Variants in SCRN3 observed in about 807,000 individuals in gnomAD.
SCRN3 encodes the protein secernin 3.
In SCRN3, 39 loss-of-function variants were observed where a neutral mutation model predicts 43.1. That is an observed-to-expected ratio of 0.91 (90% CI 0.70 to 1.18). SCRN3 has a LOEUF of 1.18. Among genes scored for constraint, SCRN3 ranks in the 50% most tolerant of loss-of-function variants. The pLI is 0.00. For synonymous variants in SCRN3, 147 were observed against 163.1 expected (o/e 0.90, Z 0.75); for missense variants, 484 against 498.0 (o/e 0.97, Z 0.27).
chr2:174,395,871 G>T (rs984038997), intron 1 of SCRN3, 54 bp downstream of exon 1: 17 of 1,451,836 alleles, frequency 1.2e-5, no homozygotes, highest in Non-Finnish European at 8.2e-6. Context: ...AAACCCGGAA[G>T]ACCCAACTGT....
chr2:174,400,236 T>A, intron 3 of SCRN3, 133 bp downstream of exon 3: 1 of 596,172 alleles, frequency 1.7e-6, no homozygotes, highest in Non-Finnish European at 2.8e-6. Flanking sequence ...TGGTTTAAAG[T>A]ACCGGCATGC....
chr2:174,397,248 G>A (rs1333514912), intron 1 of SCRN3: 1 of 978,756 alleles, frequency 1.0e-6, no homozygotes, highest in Non-Finnish European at 1.2e-6. Context: ...TAAGTTGCTA[G>A]CATCTGCCTG....
At chr2:174,403,927 T>G (rs1468317454) in intron 4 of SCRN3, among the ~76,000 whole-genome samples, 176 bp from the exon 5 acceptor site, 4 of 152,186 alleles carry the variant, frequency 2.6e-5, no homozygotes, top group Non-Finnish European at 5.9e-5. Flanking sequence ...TTAAAATCAG[T>G]TTAATTTTAA....
At chr2:174,426,196 T>C (rs1686475379) in intron 7 of SCRN3, among the ~76,000 whole-genome samples, 1 of 152,210 alleles carries the variant, frequency 6.6e-6, no homozygotes, top group African/African-American at 2.4e-5. Flanking sequence ...CTCACCTCAA[T>C]ATAAATATAA....
intron 2 of SCRN3, 94 bp from the exon 3 acceptor site, chr2:174,399,828 T>G (rs1439430691): frequency 1.1e-6 from 1 of 904,846 alleles, no homozygotes. Flanking sequence ...TCATAACAGT[T>G]TTGTCTTCTG....
At chr2:174,403,121 G>C (rs1037234900) in intron 4 of SCRN3, among the ~76,000 whole-genome samples, 1 of 150,548 alleles carries the variant, frequency 6.6e-6, no homozygotes, top group Non-Finnish European at 1.5e-5. Flanking sequence ...ATAGGCAAAA[G>C]ATATGAAGAG....
chr2:174,398,296 TCC>T lies in SCRN3; in HGVS notation c.14_15del (p.Ser5LeufsTer2). On this transcript the variant is annotated frameshift_variant, in exon 2 of 8. Transcript: ENST00000272732. LOFTEE classifies it high-confidence loss of function. MEPF[S>X]CDTFVALPPA... is the part of the protein sequence containing the mutation. ...TTAGTTAAAAAAAATGGAACCTTTT[TCC>T]TGTGACACTTTCGTGGCATTACCTC... The T allele has an allele frequency of 1.3e-6, 2 of 1,576,598 alleles. No individual in the cohort carries two copies. Among genetic ancestry groups the T allele is most frequent in the Admixed American group, 2.0e-5 (1 of 49,258 alleles).
At chr2:174,419,447 A>C (rs1166258949) in intron 5 of SCRN3, among the ~76,000 whole-genome samples, 1 of 152,172 alleles carries the variant, frequency 6.6e-6, no homozygotes, top group Non-Finnish European at 1.5e-5. Context: ...TGGCACGATC[A>C]TAGTTTACTG....
intron 6 of SCRN3, among the ~76,000 whole-genome samples, 168 bp downstream of exon 6, chr2:174,423,215 G>A (rs1242938709): frequency 2.0e-5 from 3 of 152,144 alleles, no homozygotes; most frequent in Non-Finnish European, 4.4e-5. Context: ...ATGTGTAACT[G>A]TTCTCTTTTT....
chr2:174,400,924 A>G (rs1489938662), intron 3 of SCRN3, 66 bp from the exon 4 acceptor site: 6 of 1,300,982 alleles, frequency 4.6e-6, no homozygotes, highest in Non-Finnish European at 5.2e-6. Flanking sequence ...TCTCATGAGC[A>G]TGAAATTATT....
chr2:174,406,172 A>C (rs1685686798), intron 5 of SCRN3, among the ~76,000 whole-genome samples: 1 of 136,484 alleles, frequency 7.3e-6, no homozygotes, highest in Non-Finnish European at 1.7e-5. Context: ...GAGGTCCTTC[A>C]CATCCCTTGT....
chr2:174,424,296 A>G (rs1574673593), intron 6 of SCRN3, among the ~76,000 whole-genome samples, 179 bp from the exon 7 acceptor site: 1 of 152,218 alleles, frequency 6.6e-6, no homozygotes, highest in East Asian at 1.9e-4. Flanking sequence ...CCCTGCCCCA[A>G]AGGAGATCCC....
chr2:174,424,510 T>G lies in SCRN3; in HGVS notation c.953T>G (p.Ile318Ser), dbSNP rs540697833. 1 of 1,611,700 alleles carries G rather than the reference T, an allele frequency of 6.2e-7. No individual in the cohort carries two copies. The change falls in exon 7 of 8, where the codon ATT becomes AGT. Residue 318 changes from isoleucine (I) to serine (S), a missense_variant. Physicochemically the swap from Ile to Ser is moderately radical, Grantham distance 142. Coordinates refer to ENST00000272732, the MANE Select transcript of SCRN3 (RefSeq NM_024583.5). The stretch of plus-strand genomic sequence containing the variant: ...AAGCCTTTCATATTTGTGCCACATA[T>G]TTCACAACTATTGGATACCAGTTCA... ...VFKPFIFVPH[I>S]SQLLDTSSPT... is the part of the protein sequence containing the mutation.
At chr2:174,404,035 A>G (rs2358672) in intron 4 of SCRN3, 68 bp from the exon 5 acceptor site, 280,731 of 1,222,908 alleles carry the variant, frequency 0.23, 34,553 homozygotes, top group Middle Eastern at 0.33. Flanking sequence ...GAATCATGAT[A>G]TACAGATACA....
intron 5 of SCRN3, among the ~76,000 whole-genome samples, chr2:174,414,031 C>T (rs1435943963): frequency 6.6e-6 from 1 of 152,168 alleles, no homozygotes; most frequent in Non-Finnish European, 1.5e-5. Context: ...CAAAAATAAA[C>T]TTACCCTATG....
At position 174,422,903 on chromosome 2, in the gene SCRN3, C is replaced by A; in HGVS notation, c.773C>A (p.Thr258Lys). The part of the protein sequence containing the change: ...NKHKGNITFE[T>K]MMEILRDKPS... ...TCTCTAGGAAATATAACTTTTGAAA[C>A]AATGATGGAAATTCTTCGAGATAAA... Residue 258 changes from threonine (T) to lysine (K), a missense_variant, in exon 6 of 8, where the codon ACA (threonine) becomes AAA (lysine). Thr to Lys is a moderately conservative substitution (Grantham distance 78). Coordinates refer to ENST00000272732, the MANE Select transcript of SCRN3 (RefSeq NM_024583.5). 1.2e-6 allele frequency: 2 copies of A among 1,606,710 alleles called. No homozygotes were observed. The highest frequency in any genetic ancestry group is 1.7e-6 in the Non-Finnish European group (2 of 1,173,738).
At position 174,404,111 on chromosome 2, in the gene SCRN3, C is replaced by T. The variant is rs941277355; in HGVS notation, c.550C>T (p.Arg184Cys). The change falls in exon 5 of 8, where the codon CGT becomes TGT. Residue 184 changes from arginine (R) to cysteine (C), a missense_variant. Physicochemically the swap from Arg to Cys is radical, Grantham distance 180. Coordinates refer to ENST00000272732, the MANE Select transcript of SCRN3 (RefSeq NM_024583.5). The part of the protein sequence containing the change: ...WAAEKVQEGV[R>C]NISNQLSITT... Reference sequence around the variant, plus strand: ...TTCTTCTTTGAAAATAGAGGGAGTTCGTAATATTTCTAATCAACTTTCCAT... The same window carrying T: ...TTCTTCTTTGAAAATAGAGGGAGTTTGTAATATTTCTAATCAACTTTCCAT... 3.1e-6 allele frequency: 5 copies of T among 1,612,324 alleles called. No homozygotes were observed. Among genetic ancestry groups the T allele is most frequent in the Admixed American group, 3.3e-5 (2 of 59,866 alleles).
chr2:174,396,186 G>T, intron 1 of SCRN3: 1 of 805,644 alleles, frequency 1.2e-6, no homozygotes, highest in East Asian at 6.5e-5. Flanking sequence ...ATGACAGACA[G>T]CTCTGCAAGA....
chr2:174,401,182 A>G lies in SCRN3; in HGVS notation c.534A>G (p.Lys178=), dbSNP rs750501449. ...ETAGKYWAAE[K]VQEGVRNISN... ...CAGGGAAGTACTGGGCAGCAGAAAA[A>G]GTACAAGGTATGGACAACTTTTTGT... The change falls in exon 4 of 8, where the codon AAA becomes AAG. Residue 178 remains lysine (K), a synonymous_variant. Transcript: ENST00000272732. 23 of 1,613,448 alleles carry G rather than the reference A, an allele frequency of 1.4e-5. No homozygotes were observed. The highest frequency in any genetic ancestry group is 1.9e-5 in the Non-Finnish European group (22 of 1,179,606).
Sources: allele counts gnomAD v4.1 joint callset (sites outside exome capture counted in the v4.1 genomes callset), GRCh38; gene constraint gnomAD v4.1.1; transcripts MANE v1.5; gene names NCBI Gene and HGNC (gene_info 2026-07-23, HGNC 2026-07-21).